The following GRID2 variants were observed in gnomAD, a reference collection of about 807,000 sequenced individuals.
GRID2 encodes glutamate receptor ionotropic, delta-2.
A neutral mutation model predicts 114.8 loss-of-function variants in GRID2; 33 were observed. That is an observed-to-expected ratio of 0.29 (90% CI 0.22 to 0.38). GRID2 has a LOEUF of 0.38. GRID2 is among the 10% of genes least tolerant of loss of function. The pLI is 1.00. For synonymous variants in GRID2, 505 were observed against 449.9 expected (o/e 1.12, Z -1.55); for missense variants, 1,184 against 1,257.7 (o/e 0.94, Z 0.89).
intron 2 of GRID2, among the ~76,000 whole-genome samples, chr4:92,866,617 C>T (rs1744883298): frequency 1.3e-5 from 2 of 151,896 alleles, no homozygotes; most frequent in African/African-American, 4.8e-5. Flanking sequence ...GATCTCAGCT[C>T]ACTGCAAGGT....
chr4:92,771,513 T>A (rs1450960830), intron 2 of GRID2, among the ~76,000 whole-genome samples: 1 of 152,078 alleles, frequency 6.6e-6, no homozygotes, highest in East Asian at 1.9e-4. Flanking sequence ...TTGGTTGGAG[T>A]GTGAATGTGT....
intron 3 of GRID2, among the ~76,000 whole-genome samples, chr4:93,108,277 C>T (rs1732438320): frequency 6.6e-6 from 1 of 152,064 alleles, no homozygotes; most frequent in Non-Finnish European, 1.5e-5. Context: ...AGTTTGTTTA[C>T]TTGTTTATTG....
intron 1 of GRID2, among the ~76,000 whole-genome samples, chr4:92,580,401 G>T (rs973695877): frequency 1.4e-5 from 2 of 138,942 alleles, no homozygotes; most frequent in South Asian, 2.4e-4. Flanking sequence ...TATTGGAAGA[G>T]TACCATTTTC....
At chr4:93,632,780 G>A (rs190412910) in intron 14 of GRID2, among the ~76,000 whole-genome samples, 3 of 151,924 alleles carry the variant, frequency 2.0e-5, no homozygotes, top group South Asian at 2.1e-4. Context: ...TGATGCGGAT[G>A]GCATTGAATG....
chr4:93,477,184 G>T (rs961439335), intron 11 of GRID2, among the ~76,000 whole-genome samples: 1 of 152,044 alleles, frequency 6.6e-6, no homozygotes, highest in African/African-American at 2.4e-5. Context: ...GAGAACAATA[G>T]AAAGCTGAAC....
chr4:92,956,991 A>AT (rs1288298001), intron 2 of GRID2, among the ~76,000 whole-genome samples: 8 of 151,886 alleles, frequency 5.3e-5, no homozygotes, highest in African/African-American at 1.9e-4. Flanking sequence ...TATTTGGCTC[A>AT]TTTTTTGTTT....
intron 2 of GRID2, among the ~76,000 whole-genome samples, chr4:93,014,419 A>G (rs1578753780): frequency 6.6e-6 from 1 of 152,068 alleles, no homozygotes; most frequent in Non-Finnish European, 1.5e-5. Context: ...TCTTAAGGAA[A>G]AATCACGTAG....
chr4:92,321,353 A>G (rs1726304982), intron 1 of GRID2, among the ~76,000 whole-genome samples: 1 of 152,220 alleles, frequency 6.6e-6, no homozygotes, highest in Admixed American at 6.5e-5. Flanking sequence ...GTGAAAGCAG[A>G]GGCAGTGTGC....
chr4:93,407,719 TCC>T (rs1184193125), intron 9 of GRID2, among the ~76,000 whole-genome samples: 5 of 90,714 alleles, frequency 5.5e-5, no homozygotes, highest in Middle Eastern at 5.0e-3. Flanking sequence ...CTCCTCCTCC[TCC>T]TTCTCCTCCT....
intron 2 of GRID2, among the ~76,000 whole-genome samples, chr4:92,996,311 A>T (rs990443218): frequency 2.0e-5 from 3 of 152,042 alleles, no homozygotes; most frequent in South Asian, 2.1e-4. Flanking sequence ...AAAAATAAAA[A>T]AAATAAAAAA....
intron 1 of GRID2, among the ~76,000 whole-genome samples, chr4:92,444,475 G>A (rs1733335057): frequency 6.6e-6 from 1 of 152,182 alleles, no homozygotes; most frequent in South Asian, 2.1e-4. Flanking sequence ...ACAAGGTAAT[G>A]TCATCACTTA....
intron 1 of GRID2, among the ~76,000 whole-genome samples, chr4:92,357,544 T>C (rs1240711249): frequency 6.6e-6 from 1 of 151,832 alleles, no homozygotes; most frequent in East Asian, 1.9e-4. Context: ...TATAATTTGA[T>C]CATTTAGTAT....
intron 8 of GRID2, among the ~76,000 whole-genome samples, chr4:93,271,789 G>A (rs978001861): frequency 1.3e-5 from 2 of 151,442 alleles, no homozygotes; most frequent in South Asian, 2.1e-4. Context: ...TGTACTTTAT[G>A]AATGTTGCTT....
At chr4:92,648,538 C>T (rs1203263495) in intron 2 of GRID2, among the ~76,000 whole-genome samples, 1 of 149,466 alleles carries the variant, frequency 6.7e-6, no homozygotes. Context: ...TTGAAAGAAA[C>T]AGCCGTTTCT....
intron 2 of GRID2, among the ~76,000 whole-genome samples, chr4:93,026,090 A>T (rs1297089856): frequency 6.6e-6 from 1 of 151,842 alleles, no homozygotes; most frequent in African/African-American, 2.4e-5. Context: ...GTAGTGTAAT[A>T]TCAAGAAAAT....
intron 14 of GRID2, among the ~76,000 whole-genome samples, chr4:93,685,375 A>C (rs913812894): frequency 6.6e-6 from 1 of 152,058 alleles, no homozygotes; most frequent in Admixed American, 6.6e-5. Context: ...CAGACGTCAC[A>C]TCCTCAAAGA....
At chr4:93,076,648 C>A (rs929260731) in intron 2 of GRID2, among the ~76,000 whole-genome samples, 2 of 135,580 alleles carry the variant, frequency 1.5e-5, no homozygotes, top group South Asian at 5.1e-4. Flanking sequence ...GACAGAGTCT[C>A]TCTCTGTCAC....
intron 14 of GRID2, among the ~76,000 whole-genome samples, chr4:93,723,221 C>T (rs1188383277): frequency 6.6e-6 from 1 of 152,146 alleles, no homozygotes; most frequent in East Asian, 1.9e-4. Flanking sequence ...CAGTCATTAC[C>T]ATGTGAGTAA....
At chr4:93,362,850 C>A (rs541093152) in intron 8 of GRID2, among the ~76,000 whole-genome samples, 16 of 152,216 alleles carry the variant, frequency 1.1e-4, no homozygotes, top group Non-Finnish European at 8.8e-5. Flanking sequence ...TACTCTTACA[C>A]CATATACTAT....
Sources: allele counts gnomAD v4.1 joint callset (sites outside exome capture counted in the v4.1 genomes callset), GRCh38; gene constraint gnomAD v4.1.1; transcripts MANE v1.5; gene names NCBI Gene and HGNC (gene_info 2026-07-23, HGNC 2026-07-21).